CALD1: variants seen among roughly 807,000 people sequenced by gnomAD.
CALD1 encodes the protein caldesmon 1.
CALD1 carries 33 observed loss-of-function variants against 99.9 expected under a neutral mutation model. That is an observed-to-expected ratio of 0.33 (90% confidence interval 0.25 to 0.44). CALD1 has a LOEUF of 0.44. CALD1 is among the 20% of genes least tolerant of loss of function. The pLI is 1.00. For synonymous variants in CALD1, 310 were observed against 325.0 expected, an observed-to-expected ratio of 0.95 and a Z score of 0.50; for missense variants, 861 against 962.1, an observed-to-expected ratio of 0.89 and a Z score of 1.39.
intron 3 of CALD1, among the ~76,000 whole-genome samples, chr7:134,921,558 T>C (rs140462311): frequency 0.01 from 1,598 of 152,312 alleles, 31 homozygotes; most frequent in African/African-American, 0.036. Context: ...ACGCCTGTAA[T>C]CCCAGCACTT....
chr7:134,894,182 C>G (rs563602039), intron 3 of CALD1, among the ~76,000 whole-genome samples: 6 of 152,126 alleles, frequency 3.9e-5, no homozygotes, highest in Non-Finnish European at 8.8e-5. Flanking sequence ...CACCTTGTAG[C>G]CATCTTATTT....
chr7:134,852,016 C>T (rs2132225271), intron 2 of CALD1, among the ~76,000 whole-genome samples: 1 of 152,292 alleles, frequency 6.6e-6, no homozygotes, highest in African/African-American at 2.4e-5. Context: ...CAGCAAAGTA[C>T]TCAGCACTGT....
At chr7:134,939,469 T>C (rs912926616) in intron 6 of CALD1, among the ~76,000 whole-genome samples, 9 of 152,180 alleles carry the variant, frequency 5.9e-5, no homozygotes, top group African/African-American at 1.9e-4. Flanking sequence ...TTGCAGAGAA[T>C]GGCAAAGTAC....
intron 1 of CALD1, among the ~76,000 whole-genome samples, chr7:134,790,811 A>G (rs143340702): frequency 3.9e-4 from 59 of 152,366 alleles, no homozygotes; most frequent in African/African-American, 1.3e-3. Flanking sequence ...ATTTTCCCTG[A>G]CATTAGGCAC....
At chr7:134,874,508 C>T (rs1801255171) in intron 3 of CALD1, among the ~76,000 whole-genome samples, 1 of 152,158 alleles carries the variant, frequency 6.6e-6, no homozygotes. Context: ...ATGCTTTTAT[C>T]CATGAGAAAA....
At chr7:134,764,979 G>A (rs1008881757) in intron 1 of CALD1, among the ~76,000 whole-genome samples, 1 of 152,192 alleles carries the variant, frequency 6.6e-6, no homozygotes, top group Non-Finnish European at 1.5e-5. Flanking sequence ...TTGGTAGTAA[G>A]ATGATATTGA....
At chr7:134,714,958 TCCTA>T in the CALD1 span, among the ~76,000 whole-genome samples, 1 of 152,194 alleles carries the variant, frequency 6.6e-6, no homozygotes, top group African/African-American at 2.4e-5. Context: ...CCTGCCAGTC[TCCTA>T]CCTCAATACC....
At chr7:134,814,417 G>A (rs141471980) in intron 1 of CALD1, among the ~76,000 whole-genome samples, 7 of 152,252 alleles carry the variant, frequency 4.6e-5, no homozygotes, top group African/African-American at 1.7e-4. Context: ...GGAAGTCCTG[G>A]GGGTCTTGCA....
At chr7:134,888,737 C>T (rs535439829) in intron 3 of CALD1, among the ~76,000 whole-genome samples, 6 of 152,224 alleles carry the variant, frequency 3.9e-5, no homozygotes, top group Non-Finnish European at 7.3e-5. Flanking sequence ...TATAACACCA[C>T]TGGGTTTTAC....
intron 1 of CALD1, among the ~76,000 whole-genome samples, chr7:134,824,937 G>A (rs1366136818): frequency 6.6e-6 from 1 of 152,090 alleles, no homozygotes; most frequent in East Asian, 1.9e-4. Flanking sequence ...AGAGACTGTT[G>A]TTGGAATTTG....
intron 1 of CALD1, among the ~76,000 whole-genome samples, chr7:134,820,170 GT>G (rs1241372046): frequency 6.6e-6 from 1 of 152,162 alleles, no homozygotes; most frequent in Non-Finnish European, 1.5e-5. Flanking sequence ...TATTCTCAGT[GT>G]AATTTTCAGC....
At chr7:134,741,953 T>C (rs946613113), upstream of CALD1, among the ~76,000 whole-genome samples, 24 of 151,798 alleles carry the variant, frequency 1.6e-4, no homozygotes, top group East Asian at 5.8e-4. Flanking sequence ...ATTGTCTTCA[T>C]TCTACAGTTA....
chr7:134,912,551 G>A (rs1292299910), intron 3 of CALD1, among the ~76,000 whole-genome samples: 1 of 152,218 alleles, frequency 6.6e-6, no homozygotes, highest in Non-Finnish European at 1.5e-5. Context: ...GTTTACAGCA[G>A]AGAGGGGGAA....
chr7:134,746,691 T>C (rs1173947008), intron 1 of CALD1, among the ~76,000 whole-genome samples: 3 of 152,206 alleles, frequency 2.0e-5, no homozygotes, highest in African/African-American at 7.2e-5. Flanking sequence ...TAAGTGGTCA[T>C]GAACAGAAAA....
intron 3 of CALD1, among the ~76,000 whole-genome samples, chr7:134,926,481 G>A (rs576010243): frequency 2.6e-5 from 4 of 152,250 alleles, no homozygotes; most frequent in African/African-American, 9.6e-5. Flanking sequence ...TTGCACATGA[G>A]CAGATTTTAG....
At chr7:134,920,864 C>A in intron 3 of CALD1, 1 of 395,418 alleles carries the variant, frequency 2.5e-6, no homozygotes, top group Non-Finnish European at 4.7e-6. Flanking sequence ...GGAAAACAGA[C>A]TTGGAAACTT....
At chr7:134,964,026 A>G (rs973953847) in intron 13 of CALD1, among the ~76,000 whole-genome samples, 9 of 152,120 alleles carry the variant, frequency 5.9e-5, no homozygotes, top group Non-Finnish European at 1.2e-4. Context: ...GTGAAACCCC[A>G]TCTCTACTAA....
rs528909098 is a variant in CALD1, at chr7:134,929,811, A to T, written c.218+911A>T. 1.7e-3 allele frequency among the ~76,000 whole-genome samples: 261 copies of T among 150,266 alleles called. 1 individual carries two copies. Among genetic ancestry groups the T allele is most frequent in the Middle Eastern group, 6.9e-3 (2 of 290 alleles). ...ATGACTTCTTTTCCCCTGGGTAGAT[A>T]CCCAGTAGTGGGACTGCTGGATCAA... On this transcript the variant is annotated intron_variant, in intron 4 of 14. Transcript: ENST00000361675.
intron 2 of CALD1, among the ~76,000 whole-genome samples, chr7:134,851,320 G>A (rs1800071790): frequency 2.0e-5 from 3 of 152,248 alleles, no homozygotes; most frequent in East Asian, 1.9e-4. Flanking sequence ...CTGGAGTAAA[G>A]AGATGGGCCC....
Sources: gnomAD v4.1 joint callset for allele counts (sites outside exome capture counted in the v4.1 genomes callset) on GRCh38, gnomAD v4.1.1 for gene constraint, MANE v1.5 for transcripts, NCBI Gene and HGNC (gene_info 2026-07-23, HGNC 2026-07-21) for gene names.